ORC3: variants seen among roughly 807,000 people sequenced by gnomAD.
The protein encoded by ORC3 is origin recognition complex subunit 3.
A neutral mutation model predicts 100.7 loss-of-function variants in ORC3; 78 were observed. The ratio of observed to expected loss-of-function variants is 0.77; its 90% CI spans 0.65 to 0.94. The LOEUF (loss-of-function observed/expected upper bound fraction) is 0.94. ORC3 is among the 40% of genes least tolerant of loss of function. The probability of loss-of-function intolerance (pLI) is 0.00; values close to 1 mark genes in which losing one functional copy is unlikely to be tolerated. For missense variants in ORC3, 789 were observed against 823.9 expected, an observed-to-expected ratio of 0.96 and a Z score of 0.52; for synonymous variants, 295 against 289.3, an observed-to-expected ratio of 1.02 and a Z score of -0.20.
intron 13 of ORC3, among the ~76,000 whole-genome samples, chr6:87,648,332 A>G (rs1265016179): frequency 3.3e-5 from 5 of 152,356 alleles, no homozygotes; most frequent in African/African-American, 1.2e-4. Flanking sequence ...AAAACCAGTC[A>G]TCCACTGTTA....
chr6:87,653,334 CT>C, intron 14 of ORC3, 85 bp downstream of exon 14: 1 of 1,288,338 alleles, frequency 7.8e-7, no homozygotes, highest in Non-Finnish European at 1.1e-6. Context: ...TTCTGATGTG[CT>C]TAGAGATAAA....
chr6:87,651,519 T>G (rs570112802), intron 13 of ORC3: 12 of 281,704 alleles, frequency 4.3e-5, no homozygotes, highest in African/African-American at 2.6e-4. Context: ...ATGTCTTGGC[T>G]TATTTTTCCT....
intron 16 of ORC3, among the ~76,000 whole-genome samples, chr6:87,660,792 C>G (rs1023502937): frequency 2.0e-5 from 3 of 152,166 alleles, no homozygotes; most frequent in Admixed American, 6.5e-5. Context: ...GAGCATAATG[C>G]AGTGCTTTAG....
intron 2 of ORC3, among the ~76,000 whole-genome samples, chr6:87,598,679 G>A (rs1186528536): frequency 7.2e-6 from 1 of 138,924 alleles, no homozygotes; most frequent in Non-Finnish European, 1.5e-5. Context: ...TTTTCATTAT[G>A]TGGCTCTAAG....
chr6:87,594,514 C>A, intron 2 of ORC3, 107 bp downstream of exon 2: 1 of 1,400,260 alleles, frequency 7.1e-7, no homozygotes, highest in Non-Finnish European at 9.4e-7. Flanking sequence ...GCTTACTTGC[C>A]ATGTTGATGT....
At chr6:87,676,461 A>AC in the ORC3 span, among the ~76,000 whole-genome samples, 2 of 141,282 alleles carry the variant, frequency 1.4e-5, no homozygotes, top group African/African-American at 5.1e-5. Context: ...AAAAAAAAAA[A>AC]AAAAAAAAAA....
intron 3 of ORC3, among the ~76,000 whole-genome samples, 199 bp from the exon 4 acceptor site, chr6:87,603,185 G>A (rs533906368): frequency 4.0e-5 from 6 of 151,350 alleles, no homozygotes; most frequent in African/African-American, 7.3e-5. Flanking sequence ...TCACTATGCC[G>A]ACCAGGCTTG....
intron 13 of ORC3, among the ~76,000 whole-genome samples, chr6:87,650,408 T>A (rs893309424): frequency 6.6e-6 from 1 of 152,196 alleles, no homozygotes; most frequent in African/African-American, 2.4e-5. Flanking sequence ...TACAGTCACA[T>A]CATATGAAAT....
chr6:87,617,180 A>G (rs1374645811), intron 9 of ORC3, among the ~76,000 whole-genome samples: 1 of 152,132 alleles, frequency 6.6e-6, no homozygotes, highest in East Asian at 1.9e-4. Flanking sequence ...AAAGATATAA[A>G]AAAGGTTTTT....
chr6:87,639,688 A>G (rs990011883), intron 13 of ORC3, among the ~76,000 whole-genome samples: 3 of 151,928 alleles, frequency 2.0e-5, no homozygotes, highest in African/African-American at 7.3e-5. Context: ...ATACTTTTTG[A>G]GAAAGAAGAG....
rs146518052 is a variant in ORC3 at position 87,667,079 on chromosome 6, C to T, written c.2092C>T (p.Gln698Ter). The T allele has an allele frequency of 6.2e-7, 1 of 1,612,062 alleles. No individual in the cohort carries two copies. Among genetic ancestry groups the T allele is most frequent in the Non-Finnish European group, 8.5e-7 (1 of 1,179,242 alleles). Residue 698 changes from glutamine to a stop codon, truncating the protein, a stop_gained, in exon 20 of 20, where the codon CAG (glutamine) becomes TAG (stop). Coordinates refer to ENST00000392844, the MANE Select transcript of ORC3 (RefSeq NM_012381.4). LOFTEE classifies it high-confidence loss of function. The part of the protein sequence containing the change: ...ELLGFIKPTK[Q>*]KTDHVARLTW... Reference sequence around the variant, plus strand: ...TTTAGGATTTATAAAACCTACCAAACAGAAGACTGACCATGTGGCAAGACT... The same window carrying T: ...TTTAGGATTTATAAAACCTACCAAATAGAAGACTGACCATGTGGCAAGACT...
intron 11 of ORC3, among the ~76,000 whole-genome samples, chr6:87,622,924 C>T (rs1008498392): frequency 1.3e-5 from 2 of 152,018 alleles, no homozygotes; most frequent in Admixed American, 6.6e-5. Context: ...CACATAATGT[C>T]ACATTTATTT....
chr6:87,646,702 G>C (rs1472665012), intron 13 of ORC3, among the ~76,000 whole-genome samples: 2 of 152,168 alleles, frequency 1.3e-5, no homozygotes, highest in African/African-American at 2.4e-5. Flanking sequence ...TCCTACCTCA[G>C]TATATGCTCC....
At chr6:87,631,465 CATGGTATG>C (rs1300746242) in intron 11 of ORC3, among the ~76,000 whole-genome samples, 1 of 151,988 alleles carries the variant, frequency 6.6e-6, no homozygotes, top group Non-Finnish European at 1.5e-5. Flanking sequence ...TTCACATGTA[CATGGTATG>C]ATGCTGCTGT....
intron 5 of ORC3, among the ~76,000 whole-genome samples, chr6:87,607,075 T>C (rs1778395692): frequency 6.6e-6 from 1 of 152,216 alleles, no homozygotes; most frequent in African/African-American, 2.4e-5. Flanking sequence ...TAAATACATA[T>C]TCCTAAAATT....
At chr6:87,593,178 A>G (rs558007762) in intron 1 of ORC3, among the ~76,000 whole-genome samples, 1 of 152,318 alleles carries the variant, frequency 6.6e-6, no homozygotes, top group African/African-American at 2.4e-5. Flanking sequence ...TAGGACCACT[A>G]ACTTGGGGGT....
intron 13 of ORC3, among the ~76,000 whole-genome samples, chr6:87,644,078 C>T (rs112713502): frequency 0.092 from 7,934 of 86,174 alleles, 405 homozygotes; most frequent in African/African-American, 0.19. Context: ...GGCTGACTGT[C>T]CTTTTTTTTT....
At chr6:87,618,051 A>G (rs1014439908) in intron 9 of ORC3, among the ~76,000 whole-genome samples, 2 of 152,240 alleles carry the variant, frequency 1.3e-5, no homozygotes, top group African/African-American at 4.8e-5. Flanking sequence ...TCATTTACTC[A>G]TAAATACTTG....
chr6:87,636,194 AGTGCTGGGATTACAGG>A, intron 12 of ORC3, among the ~76,000 whole-genome samples, 197 bp from the exon 13 acceptor site: 1 of 152,118 alleles, frequency 6.6e-6, no homozygotes, highest in Non-Finnish European at 1.5e-5. Flanking sequence ...AGCCTCCCAA[AGTGCTGGGATTACAGG>A]CGTGAGCCAC....
Sources: allele counts gnomAD v4.1 joint callset (sites outside exome capture counted in the v4.1 genomes callset), GRCh38; gene constraint gnomAD v4.1.1; transcripts MANE v1.5; gene names NCBI Gene and HGNC (gene_info 2026-07-23, HGNC 2026-07-21).